HNRNPU: variants seen among roughly 807,000 people sequenced by gnomAD.
HNRNPU encodes heterogeneous nuclear ribonucleoprotein U.
Under a neutral mutation model 94.7 loss-of-function variants are expected in HNRNPU, and 5 were observed. The observed-to-expected ratio is 0.05, with a 90% confidence interval of 0.03 to 0.11. HNRNPU has a LOEUF of 0.11. Among genes scored for constraint, HNRNPU ranks in the 10% least tolerant of loss-of-function variants. HNRNPU has a pLI of 1.00. For missense variants in HNRNPU, 710 were observed against 1,049.2 expected (o/e 0.68, Z 4.47); for synonymous variants, 434 against 381.6 (o/e 1.14, Z -1.60).
intron 1 of HNRNPU, among the ~76,000 whole-genome samples, chr1:244,863,358 G>A (rs1273518315): frequency 8.9e-5 from 13 of 146,536 alleles, no homozygotes; most frequent in African/African-American, 2.8e-4. Flanking sequence ...AGCTCCCCCC[G>A]GCTCTCGAGC....
chr1:244,856,738 A>T lies in HNRNPU; in HGVS notation c.1733T>A (p.Ile578Asn). ...EIAARKKRNF[I>N]LDQTNVSAAA... Reference sequence around the variant, plus strand: ...AAAGCTACAGCGTACCTGATCCAGAATAAAATTTCGCTTCTTTCGGGCAGC... The same window carrying T: ...AAAGCTACAGCGTACCTGATCCAGATTAAAATTTCGCTTCTTTCGGGCAGC... Residue 578 changes from isoleucine to asparagine, a missense_variant, in exon 9 of 14, where the codon ATT (isoleucine) becomes AAT (asparagine). Around this residue, in one of 8 missense-constraint regions of HNRNPU, gnomAD observed 31 missense variants for 132.4 expected, o/e 0.23. Transcript: ENST00000640218. 1 of 1,611,168 alleles carries T rather than the reference A, an allele frequency of 6.2e-7. No individual in the cohort carries two copies.
rs773808446 is a variant in HNRNPU, at chr1:244,864,160, G to A, written c.148C>T (p.Arg50Cys). Residue 50 changes from arginine (R) to cysteine (C), a missense_variant, in exon 1 of 14, where the codon CGC becomes TGC. Transcript: ENST00000640218. ...CCGTTCCCGGGCTCCATGGCGGGGC[G>A]GCCCCCGGCCTCCTCGTCGTCCAGC... ...AALDDEEAGG[R>C]PAMEPGNGSL... 3.7e-6 allele frequency: 6 copies of A among 1,604,558 alleles called. No homozygotes were observed. Among genetic ancestry groups the A allele is most frequent in the South Asian group, 3.3e-5 (3 of 90,150 alleles).
chr1:244,859,910 T>G, intron 4 of HNRNPU: 1 of 160,852 alleles, frequency 6.2e-6, no homozygotes, highest in Non-Finnish European at 1.3e-5. Context: ...CACCTGTAAT[T>G]CCAGCATTCT....
chr1:244,854,188 C>A lies in HNRNPU; in HGVS notation c.*262G>T. On this transcript the variant is annotated 3_prime_UTR_variant, in exon 14 of 14. Transcript: ENST00000640218. ...AAAAAAAAAAAAAAGTCACATTTTA[C>A]AGATAAAATGTAGAACCCTGAAATA... 9 of 313,274 alleles carry A rather than the reference C, an allele frequency of 2.9e-5. No homozygotes were observed. The highest frequency in any genetic ancestry group is 4.1e-5 in the Non-Finnish European group (7 of 171,390). 19.4% of individuals were successfully genotyped at this position (313,274 alleles called of 1,614,324 possible). A position where few individuals can be genotyped will look rare whatever the true frequency, so the allele number is the denominator to read the frequency against.
intron 10 of HNRNPU, 38 bp downstream of exon 10, chr1:244,856,419 A>C: frequency 6.4e-7 from 1 of 1,567,612 alleles, no homozygotes; most frequent in African/African-American, 1.4e-5. Context: ...TCTTTTAAAA[A>C]GAAGATTTCA....
chr1:244,858,387 ACT>A, intron 6 of HNRNPU, 113 bp from the exon 7 acceptor site: 1 of 982,720 alleles, frequency 1.0e-6, no homozygotes, highest in Non-Finnish European at 1.5e-6. Flanking sequence ...AGGTTAAAGA[ACT>A]ATTAGGTGGC....
Position 244,856,178 on chromosome 1 carries a change from AT to A in HNRNPU, c.1913-21del, listed in dbSNP as rs779553777. 9.5e-6 allele frequency: 15 copies of A among 1,585,960 alleles called. No homozygotes were observed. The South Asian group carries it at 1.6e-4, about 17-fold the overall frequency. ...AGTTTCCTGCAGGAAACAAAGTCAT[AT>A]TATTAATTTAGAAACCCACCACGAA... is the stretch of plus-strand genomic sequence containing the variant. On this transcript the variant is annotated intron_variant, in intron 10 of 13. Coordinates refer to ENST00000640218, the MANE Select transcript of HNRNPU (RefSeq NM_031844.3).
chr1:244,860,268 T>C, intron 4 of HNRNPU, 67 bp downstream of exon 4: 2 of 1,446,654 alleles, frequency 1.4e-6, no homozygotes, highest in Non-Finnish European at 1.9e-6. Context: ...ACCACGGCAA[T>C]CCAGCCTAGG....
Position 244,856,944 on chromosome 1 carries a change from G to T in HNRNPU, c.1615-88C>A, listed in dbSNP as rs530175356. ...AATTCAACTCATATCTATATGTAAAGCAGGCAACATTTTATAATTTAAATA... is the reference window on the plus strand; with the variant it reads ...AATTCAACTCATATCTATATGTAAATCAGGCAACATTTTATAATTTAAATA... On this transcript the variant is annotated intron_variant, in intron 8 of 13. Transcript: ENST00000640218. The T allele has an allele frequency of 6.6e-6, 7 of 1,066,548 alleles. No homozygotes were observed. The East Asian group carries it at 1.4e-4, about 22-fold the overall frequency. The allele number at this position is 1,066,548 out of a possible 1,614,324, so 66.1% of individuals were successfully genotyped here.
At position 244,858,221 on chromosome 1, in the gene HNRNPU, A is replaced by C. The variant is rs771397465; in HGVS notation, c.1284T>G (p.Leu428=). Residue 428 remains leucine, a synonymous_variant, in exon 7 of 14, where the codon CTT becomes CTG. Transcript: ENST00000640218. ...ELSYAKNGQD[L]GVAFKISKEV... ...CCTTACTGATTTTGAAGGCAACGCC[A>C]AGATCTTGTCCATTCTTAGCATACG... is the stretch of plus-strand genomic sequence containing the variant. The C allele has an allele frequency of 1.2e-6, 2 of 1,614,148 alleles. No homozygotes were observed. Among genetic ancestry groups the C allele is most frequent in the African/African-American group, 2.7e-5 (2 of 75,068 alleles).
At chr1:244,860,287 T>G (rs868304901) in intron 4 of HNRNPU, 48 bp downstream of exon 4, 3 of 1,552,418 alleles carry the variant, frequency 1.9e-6, no homozygotes, top group African/African-American at 1.4e-5. Flanking sequence ...GGGAACAGAG[T>G]GAGACTGTCT....
chr1:244,862,160 G>A (rs74963659), intron 3 of HNRNPU: 5 of 300,292 alleles, frequency 1.7e-5, no homozygotes, highest in South Asian at 1.5e-4. Flanking sequence ...TAAATTATAG[G>A]TAGTGTTACA....
At position 244,862,820 on chromosome 1, in the gene HNRNPU, T is replaced by C. The variant is rs1157522863; in HGVS notation, c.692-90A>G. ...CGAGAACCAAAGCAGCTCGACTTTA[T>C]CCTGCTTTTTAACTGAGGTTTTAAC... On this transcript the variant is annotated intron_variant, in intron 1 of 13. Transcript: ENST00000640218. 7 of 869,494 alleles carry C rather than the reference T, an allele frequency of 8.1e-6. No individual in the cohort carries two copies. In the African/African-American group the frequency reaches 8.4e-5, roughly 10 times the overall value. 53.9% of individuals were successfully genotyped at this position (869,494 alleles called of 1,614,324 possible).
rs1385026250 is a variant in HNRNPU at position 244,855,477 on chromosome 1, T to G, written c.2299A>C (p.Asn767His). The change falls in exon 12 of 14, where the codon AAC (asparagine) becomes CAC (histidine). Residue 767 changes from asparagine to histidine, a missense_variant. By Grantham distance (68) the Asn-to-His change is moderately conservative (BLOSUM62 1). Transcript: ENST00000640218. Reference sequence around the variant, plus strand: ...CCACCTCTGTTGTAGTTCCCTCTGTTTGAGTAACTACCACGGCCAGGAAAA... The same window carrying G: ...CCACCTCTGTTGTAGTTCCCTCTGTGTGAGTAACTACCACGGCCAGGAAAA... Reference protein sequence around the residue: ...PVFPGRGSYSNRGNYNRGGMP... With the variant: ...PVFPGRGSYSHRGNYNRGGMP... The G allele has an allele frequency of 1.2e-6, 2 of 1,613,994 alleles. No homozygotes were observed. The highest frequency in any genetic ancestry group is 1.7e-6 in the Non-Finnish European group (2 of 1,179,910).
At chr1:244,854,854 T>G in intron 13 of HNRNPU, 119 bp downstream of exon 13, 1 of 843,378 alleles carries the variant, frequency 1.2e-6, no homozygotes, top group Non-Finnish European at 2.0e-6. Flanking sequence ...CGATTCACAC[T>G]TTACCCTATT....
At position 244,854,361 on chromosome 1, in the gene HNRNPU, A is replaced by G; in HGVS notation, c.*89T>C. ...ACCCGCAGGCACTTCCTCTTGTGGAATGTTTAAAAAGTTAGCCTACTAAAG... is the reference window on the plus strand; with the variant it reads ...ACCCGCAGGCACTTCCTCTTGTGGAGTGTTTAAAAAGTTAGCCTACTAAAG... On this transcript the variant is annotated 3_prime_UTR_variant, in exon 14 of 14. Transcript: ENST00000640218. 1.1e-6 allele frequency: 1 copy of G among 875,780 alleles called. No homozygotes were observed. Among genetic ancestry groups the G allele is most frequent in the East Asian group, 2.4e-5 (1 of 41,214 alleles). 54.3% of individuals were successfully genotyped at this position (875,780 alleles called of 1,614,324 possible).
Position 244,852,131 on chromosome 1 carries a change from TTCGTA to T in HNRNPU, c.*2314_*2318del. Reference sequence around the variant, plus strand: ...GATGAGCAATAAATCAGGTTTCTCGTTCGTATCTTACTTCTTACCTAATTTTCTCC... The same window carrying T: ...GATGAGCAATAAATCAGGTTTCTCGTTCTTACTTCTTACCTAATTTTCTCC... On this transcript the variant is annotated 3_prime_UTR_variant, in exon 14 of 14. Transcript: ENST00000640218. The T allele has an allele frequency of 6.6e-6, 1 of 152,194 alleles. No homozygotes were observed. The highest frequency in any genetic ancestry group is 1.9e-4 in the East Asian group (1 of 5,206). The allele number at this position is 152,194 out of a possible 1,614,324, so 9.4% of individuals were successfully genotyped here. A position where few individuals can be genotyped will look rare whatever the true frequency, so the allele number is the denominator to read the frequency against.
intron 5 of HNRNPU, 26 bp from the exon 6 acceptor site, chr1:244,858,867 A>G: frequency 9.2e-7 from 1 of 1,091,468 alleles, no homozygotes; most frequent in Non-Finnish European, 1.4e-6. Context: ...ATCTTCATGA[A>G]GTAGATGTTT....
Position 244,853,238 on chromosome 1 carries a change from T to C in HNRNPU, c.*1212A>G, listed in dbSNP as rs1368101872. ...CTTTACTTCATAATTATGTATCAAT[T>C]GTCAGTATACATTTAAGTTTTTAAA... is the stretch of plus-strand genomic sequence containing the variant. On this transcript the variant is annotated 3_prime_UTR_variant, in exon 14 of 14. Transcript: ENST00000640218. 1 of 152,550 alleles carries C rather than the reference T, an allele frequency of 6.6e-6. No individual in the cohort carries two copies. The highest frequency in any genetic ancestry group is 1.5e-5 in the Non-Finnish European group (1 of 68,002). 9.4% of individuals were successfully genotyped at this position (152,550 alleles called of 1,614,324 possible).
Sources: gnomAD v4.1 joint callset for allele counts (sites outside exome capture counted in the v4.1 genomes callset) on GRCh38, gnomAD v4.1.1 for gene constraint, gnomAD v4.1.1 regional missense constraint, MANE v1.5 for transcripts, NCBI Gene and HGNC (gene_info 2026-07-23, HGNC 2026-07-21) for gene names.